AGFG1: variants seen among roughly 807,000 people sequenced by gnomAD.
AGFG1 encodes the protein arf-GAP domain and FG repeat-containing protein 1.
Under a neutral mutation model 60.6 loss-of-function variants are expected in AGFG1, and 10 were observed. That is an observed-to-expected ratio of 0.16 (90% CI 0.10 to 0.28). AGFG1 has a LOEUF of 0.28. Among genes scored for constraint, AGFG1 ranks in the 10% least tolerant of loss-of-function variants. The probability of loss-of-function intolerance (pLI) is 1.00; values close to 1 mark genes in which losing one functional copy is unlikely to be tolerated. For synonymous variants in AGFG1, 247 were observed against 242.9 expected (o/e 1.02, Z -0.16); for missense variants, 537 against 676.5 (o/e 0.79, Z 2.29).
chr2:227,518,117 A>G (rs941818184), intron 2 of AGFG1, among the ~76,000 whole-genome samples: 1 of 152,080 alleles, frequency 6.6e-6, no homozygotes, highest in Non-Finnish European at 1.5e-5. Flanking sequence ...AGGTTTATTC[A>G]TGTTTCTTGT....
At chr2:227,507,070 T>C (rs921136842) in intron 2 of AGFG1, among the ~76,000 whole-genome samples, 2 of 152,188 alleles carry the variant, frequency 1.3e-5, no homozygotes, top group African/African-American at 4.8e-5. Context: ...CATCCACTAA[T>C]TAGCAATTGT....
intron 6 of AGFG1, among the ~76,000 whole-genome samples, chr2:227,532,488 T>C (rs1692191971): frequency 6.6e-6 from 1 of 152,144 alleles, no homozygotes; most frequent in Non-Finnish European, 1.5e-5. Context: ...GTCACAATAT[T>C]TTACATACAA....
intron 2 of AGFG1, among the ~76,000 whole-genome samples, chr2:227,511,080 A>G (rs1242706003): frequency 6.6e-6 from 1 of 152,142 alleles, no homozygotes; most frequent in Non-Finnish European, 1.5e-5. Flanking sequence ...TTATCAAGTG[A>G]ATCAGTATGT....
intron 1 of AGFG1, among the ~76,000 whole-genome samples, chr2:227,489,886 G>A (rs557728191): frequency 5.7e-4 from 87 of 151,944 alleles, no homozygotes; most frequent in Admixed American, 4.1e-3. Flanking sequence ...CACGATCTTG[G>A]CTCACTGCAA....
intron 2 of AGFG1, chr2:227,510,769 G>A (rs1443734776): frequency 6.6e-6 from 1 of 152,166 alleles, no homozygotes; most frequent in Non-Finnish European, 1.5e-5. Flanking sequence ...AATAAGGTAT[G>A]GGTATGTGAG....
At chr2:227,546,141 C>G (rs1353816676) in intron 10 of AGFG1, among the ~76,000 whole-genome samples, 1 of 152,206 alleles carries the variant, frequency 6.6e-6, no homozygotes, top group Non-Finnish European at 1.5e-5. Context: ...TGGGTTCCAC[C>G]TAGTTCAAGC....
chr2:227,539,457 A>AAAAAAAAAAAAC (rs139764867), intron 10 of AGFG1, among the ~76,000 whole-genome samples: 5 of 129,938 alleles, frequency 3.8e-5, no homozygotes, highest in African/African-American at 5.8e-5. Context: ...AAAACAAAAA[A>AAAAAAAAAAAAC]CACATGTTAA....
chr2:227,507,315 A>G (rs1303904695), intron 2 of AGFG1, among the ~76,000 whole-genome samples: 1 of 152,182 alleles, frequency 6.6e-6, no homozygotes, highest in Non-Finnish European at 1.5e-5. Flanking sequence ...CTAACAAGGC[A>G]TTAATGAAGT....
At chr2:227,497,576 A>T (rs6724238) in intron 2 of AGFG1, among the ~76,000 whole-genome samples, 58 of 151,648 alleles carry the variant, frequency 3.8e-4, no homozygotes, top group Non-Finnish European at 7.7e-4. Context: ...ACAAAAAAAA[A>T]TTTTTTTTGT....
At chr2:227,547,015 A>C (rs1692669749) in intron 10 of AGFG1, among the ~76,000 whole-genome samples, 1 of 152,224 alleles carries the variant, frequency 6.6e-6, no homozygotes, top group South Asian at 2.1e-4. Flanking sequence ...AAAGGTTCAA[A>C]ATTCAGTAAT....
rs61752217 is a variant in AGFG1, at chr2:227,531,196, A to G, written c.800A>G (p.Gln267Arg). 1.0e-4 allele frequency: 163 copies of G among 1,613,496 alleles called. No individual in the cohort carries two copies. Among genetic ancestry groups the G allele is most frequent in the Non-Finnish European group, 1.3e-4 (157 of 1,179,742 alleles). The part of the protein sequence containing the change: ...GFPTASHSPF[Q>R]PQTTGGSAAS... ...CCCACAGCAAGTCACTCTCCTTTTC[A>G]GCCCCAAACTACAGGTAGAGCTTCT... The change falls in exon 6 of 13, where the codon CAG becomes CGG. Residue 267 changes from glutamine (Q) to arginine (R), a missense_variant. Physicochemically the swap from Gln to Arg is conservative, Grantham distance 43 (BLOSUM62 1). Transcript: ENST00000310078.
chr2:227,481,863 CTTTTTT>C (rs769166509), intron 1 of AGFG1, among the ~76,000 whole-genome samples: 3 of 117,588 alleles, frequency 2.6e-5, no homozygotes, highest in Admixed American at 8.6e-5. Context: ...TTGTCCACTA[CTTTTTT>C]TTTTTTTTTT....
At chr2:227,513,020 T>C (rs1362180357) in intron 2 of AGFG1, among the ~76,000 whole-genome samples, 1 of 152,234 alleles carries the variant, frequency 6.6e-6, no homozygotes, top group Non-Finnish European at 1.5e-5. Flanking sequence ...ATGTGGTTTA[T>C]TCTTTTTATC....
intron 1 of AGFG1, among the ~76,000 whole-genome samples, chr2:227,489,906 C>T (rs936317970): frequency 1.3e-5 from 2 of 151,978 alleles, no homozygotes; most frequent in East Asian, 3.9e-4. Flanking sequence ...ACCTCTGCCT[C>T]CTGGGTTCAA....
At chr2:227,523,978 A>G (rs1047426774) in intron 4 of AGFG1, 53 bp downstream of exon 4, 10 of 1,522,152 alleles carry the variant, frequency 6.6e-6, no homozygotes, top group South Asian at 1.2e-5. Flanking sequence ...GGGCTTGAGT[A>G]TCAAGAATTT....
At chr2:227,481,528 C>G (rs1012395914) in intron 1 of AGFG1, among the ~76,000 whole-genome samples, 1 of 152,124 alleles carries the variant, frequency 6.6e-6, no homozygotes, top group Non-Finnish European at 1.5e-5. Flanking sequence ...CTTCTCCCAC[C>G]TTTGCAGAAG....
chr2:227,493,095 A>G (rs1040834973), intron 2 of AGFG1, among the ~76,000 whole-genome samples: 2 of 152,178 alleles, frequency 1.3e-5, no homozygotes, highest in African/African-American at 4.8e-5. Context: ...AAATATAACA[A>G]TATGTGAGAT....
At chr2:227,493,930 G>GT (rs1690896574) in intron 2 of AGFG1, among the ~76,000 whole-genome samples, 1 of 152,194 alleles carries the variant, frequency 6.6e-6, no homozygotes, top group African/African-American at 2.4e-5. Context: ...TGGTTTTTGA[G>GT]GGTAACTAGA....
At chr2:227,497,165 T>TCCCCCCCCCCCCCC (rs11422803) in intron 2 of AGFG1, among the ~76,000 whole-genome samples, 8 of 137,328 alleles carry the variant, frequency 5.8e-5, no homozygotes, top group East Asian at 2.4e-4. Context: ...CACCCCCTCT[T>TCCCCCCCCCCCCCC]CCCCCCCCAC....
Sources: allele counts gnomAD v4.1 joint callset (sites outside exome capture counted in the v4.1 genomes callset), GRCh38; gene constraint gnomAD v4.1.1; transcripts MANE v1.5; gene names NCBI Gene and HGNC (gene_info 2026-07-23, HGNC 2026-07-21).